NOTCH4: variants seen among roughly 807,000 people sequenced by gnomAD.
NOTCH4 encodes the protein neurogenic locus notch homolog protein 4.
A neutral mutation model predicts 189.0 loss-of-function variants in NOTCH4; 138 were observed. The ratio of observed to expected loss-of-function variants is 0.73; its 90% CI spans 0.64 to 0.84. The LOEUF (loss-of-function observed/expected upper bound fraction) is 0.84. Ranked by LOEUF, NOTCH4 falls within the 40% of genes least tolerant of loss-of-function variation. NOTCH4 has a pLI of 0.00. For missense variants in NOTCH4, 2,286 were observed against 2,605.4 expected (o/e 0.88, Z 2.67); for synonymous variants, 942 against 1,032.8 (o/e 0.91, Z 1.69).
In NOTCH4 at chr6:32,200,681, G is replaced by T; in HGVS notation, c.4315+150C>A. On this transcript the variant is annotated intron_variant, in intron 23 of 29. Coordinates refer to ENST00000375023, the MANE Select transcript of NOTCH4 (RefSeq NM_004557.4). The surrounding 1 kb of genome is among the most constrained non-coding windows in gnomAD (Gnocchi z 5.0). ...AACAAATGGGCCAGTGGGAGATTCA[G>T]TTAGAGAAAGCGGGGTTAGGGAAAG... 1 of 634,584 alleles carries T rather than the reference G, an allele frequency of 1.6e-6. No homozygotes were observed. Among genetic ancestry groups the T allele is most frequent in the Non-Finnish European group, 2.6e-6 (1 of 381,762 alleles). 39.3% of individuals were successfully genotyped at this position (634,584 alleles called of 1,614,324 possible). A position where few individuals can be genotyped will look rare whatever the true frequency, so the allele number is the denominator to read the frequency against.
At position 32,199,265 on chromosome 6, in the gene NOTCH4, G is replaced by T; in HGVS notation, c.4316-120C>A. 1.4e-6 allele frequency: 1 copy of T among 718,464 alleles called. No homozygotes were observed. The highest frequency in any genetic ancestry group is 2.0e-5 in the South Asian group (1 of 49,120). The allele number at this position is 718,464 out of a possible 1,614,324, so 44.5% of individuals were successfully genotyped here. A position where few individuals can be genotyped will look rare whatever the true frequency, so the allele number is the denominator to read the frequency against. On this transcript the variant is annotated intron_variant, in intron 23 of 29. Coordinates refer to ENST00000375023, the MANE Select transcript of NOTCH4 (RefSeq NM_004557.4). This position sits in a 1 kb window ranked among gnomAD's most constrained non-coding sequence, Gnocchi z 4.9. Reference sequence around the variant, plus strand: ...CCTCGGTTTCCTTATCTGCAAAATGGGGATGATAATATAGATTGAGGTTGG... The same window carrying T: ...CCTCGGTTTCCTTATCTGCAAAATGTGGATGATAATATAGATTGAGGTTGG...
intron 18 of NOTCH4, among the ~76,000 whole-genome samples, chr6:32,208,063 A>C (rs185332643): frequency 2.0e-4 from 31 of 152,040 alleles, no homozygotes; most frequent in Admixed American, 7.2e-4. Flanking sequence ...TCTGGGCAAA[A>C]GTTTTTTGGG....
rs914213951 is a variant in NOTCH4 at position 32,213,795 on chromosome 6, C to T, written c.2213G>A (p.Cys738Tyr). The T allele has an allele frequency of 1.2e-6, 2 of 1,612,166 alleles. No homozygotes were observed. The highest frequency in any genetic ancestry group is 1.9e-4 in the Middle Eastern group (1 of 5,354). Reference sequence around the variant, plus strand: ...AGGGTTGCAGGAGCCGCCATTGAGACATGGCCCTGAGTGACAAGCTGTCAT... The same window carrying T: ...AGGGTTGCAGGAGCCGCCATTGAGATATGGCCCTGAGTGACAAGCTGTCAT... ...EEMTACHSGP[C>Y]LNGGSCNPSP... Residue 738 changes from cysteine to tyrosine, a missense_variant, in exon 14 of 30, where the codon TGT becomes TAT. Cys to Tyr is a radical substitution (Grantham distance 194). Transcript: ENST00000375023.
At position 32,212,120 on chromosome 6, in the gene NOTCH4, G is replaced by A. The variant is rs900338993; in HGVS notation, c.2680+354C>T. Among the ~76,000 whole-genome samples, 2 of 152,160 alleles carry A rather than the reference G, an allele frequency of 1.3e-5. No homozygotes were observed. Among genetic ancestry groups the A allele is most frequent in the Non-Finnish European group, 2.9e-5 (2 of 68,032 alleles). On this transcript the variant is annotated intron_variant, in intron 17 of 29. Coordinates refer to ENST00000375023, the MANE Select transcript of NOTCH4 (RefSeq NM_004557.4). The surrounding 1 kb of genome is among the most constrained non-coding windows in gnomAD (Gnocchi z 4.4). ...AAGTGAGTGGGGTGGGGTGAAATGC[G>A]TTGAGTGTAGCTGGATTAAGTGTGG...
At position 32,222,762 on chromosome 6, in the gene NOTCH4, G is replaced by C; in HGVS notation, c.200C>G (p.Pro67Arg). ...FLGETCQFPD[P>R]CQNAQLCQNG... ...TTGGCAGAGCTGGGCGTTCTGGCAGGGGTCAGGAAACTGGCACGTCTCACC... is the reference window on the plus strand; with the variant it reads ...TTGGCAGAGCTGGGCGTTCTGGCAGCGGTCAGGAAACTGGCACGTCTCACC... Residue 67 changes from proline (P) to arginine (R), a missense_variant, in exon 3 of 30, where the codon CCC becomes CGC. Pro to Arg is a moderately radical substitution (Grantham distance 103). Coordinates refer to ENST00000375023, the MANE Select transcript of NOTCH4 (RefSeq NM_004557.4). 6.2e-7 allele frequency: 1 copy of C among 1,611,816 alleles called. No individual in the cohort carries two copies. The highest frequency in any genetic ancestry group is 8.5e-7 in the Non-Finnish European group (1 of 1,179,162).
Position 32,220,797 on chromosome 6 carries a change from C to T in NOTCH4, c.881G>A (p.Gly294Glu). Residue 294 changes from glycine (G) to glutamate (E), a missense_variant, in exon 5 of 30, where the codon GGG (glycine) becomes GAG (glutamate). Coordinates refer to ENST00000375023, the MANE Select transcript of NOTCH4 (RefSeq NM_004557.4). The part of the protein sequence containing the change: ...QCQNGGTCQD[G>E]LDTYTCLCPE... ...GCAGAGGCAGGTGTAGGTGTCCAGC[C>T]CATCCTGGCAAGTGCCCCCATTCTG... The T allele has an allele frequency of 6.2e-7, 1 of 1,614,086 alleles. No homozygotes were observed. The highest frequency in any genetic ancestry group is 8.5e-7 in the Non-Finnish European group (1 of 1,179,984).
In NOTCH4 at chr6:32,221,283, C is replaced by G. The variant is rs948511459; in HGVS notation, c.494G>C (p.Cys165Ser). 6.2e-7 allele frequency: 1 copy of G among 1,613,002 alleles called. No homozygotes were observed. The highest frequency in any genetic ancestry group is 1.7e-5 in the Admixed American group (1 of 60,032). Residue 165 changes from cysteine to serine, a missense_variant, in exon 4 of 30, where the codon TGT becomes TCT. Coordinates refer to ENST00000375023, the MANE Select transcript of NOTCH4 (RefSeq NM_004557.4). The surrounding 1 kb of genome is among the most constrained non-coding windows in gnomAD (Gnocchi z 4.3). ...GGCCAGACACACCCCTCCATTAACA[C>G]ATGGGTTGGCTGAACAGAAGTCCCG... ...QLRDFCSANP[C>S]VNGGVCLATY...
chr6:32,200,323 G>C lies in NOTCH4; in HGVS notation c.4315+508C>G, dbSNP rs555659514. Among the ~76,000 whole-genome samples, 1 of 151,608 alleles carries C rather than the reference G, an allele frequency of 6.6e-6. No homozygotes were observed. The highest frequency in any genetic ancestry group is 2.4e-5 in the African/African-American group (1 of 41,320). On this transcript the variant is annotated intron_variant, in intron 23 of 29. Coordinates refer to ENST00000375023, the MANE Select transcript of NOTCH4 (RefSeq NM_004557.4). The surrounding 1 kb of genome is among the most constrained non-coding windows in gnomAD (Gnocchi z 5.0). ...CCTCCCAGGTTCACGCCATTCTCCT[G>C]CCTCAGCCTCCTGAGTAGCTGAGAC...
chr6:32,213,053 C>A, intron 15 of NOTCH4, 82 bp downstream of exon 15: 1 of 1,299,122 alleles, frequency 7.7e-7, no homozygotes, highest in South Asian at 1.2e-5. Flanking sequence ...GGGAGGCAGC[C>A]TGGAACCCAG....
At position 32,210,854 on chromosome 6, in the gene NOTCH4, T is replaced by TC. The variant is rs773718118; in HGVS notation, c.2762dup (p.Phe922IlefsTer14). On this transcript the variant is annotated frameshift_variant, in exon 18 of 30. Coordinates refer to ENST00000375023, the MANE Select transcript of NOTCH4 (RefSeq NM_004557.4). LOFTEE classifies it high-confidence loss of function. This position sits in a 1 kb window ranked among gnomAD's most constrained non-coding sequence, Gnocchi z 4.8. ...GATCCTGGCACAGGCTGCCTTGGAA[T>TC]CCAGGGGGGCAGTGGCAGAAATAGG... 71 of 1,612,784 alleles carry TC rather than the reference T, an allele frequency of 4.4e-5. No individual in the cohort carries two copies. The highest frequency in any genetic ancestry group is 5.3e-5 in the Non-Finnish European group (62 of 1,179,966).
Position 32,221,073 on chromosome 6 carries a change from G to T in NOTCH4, c.704C>A (p.Ala235Glu). Residue 235 changes from alanine (A) to glutamate (E), a missense_variant, in exon 4 of 30, where the codon GCA becomes GAA. By Grantham distance (107) the Ala-to-Glu change is moderately radical. Around this residue, in one of 2 missense-constraint regions of NOTCH4, gnomAD observed 1,903 missense variants for 2,261.9 expected, o/e 0.84. Coordinates refer to ENST00000375023, the MANE Select transcript of NOTCH4 (RefSeq NM_004557.4). This position sits in a 1 kb window ranked among gnomAD's most constrained non-coding sequence, Gnocchi z 4.3. The stretch of plus-strand genomic sequence containing the variant: ...ACAGCCCCTAGGAGGGCAGGGTCCT[G>T]CCCGCAGCTCACAACGTGGACCCTC... ...GQEGPRCELR[A>E]GPCPPRGCSN... 1 of 1,613,184 alleles carries T rather than the reference G, an allele frequency of 6.2e-7. No individual in the cohort carries two copies. The highest frequency in any genetic ancestry group is 1.6e-4 in the Middle Eastern group (1 of 6,062).
intron 18 of NOTCH4, among the ~76,000 whole-genome samples, chr6:32,205,123 G>A (rs1788590953): frequency 6.6e-6 from 1 of 152,126 alleles, no homozygotes; most frequent in Non-Finnish European, 1.5e-5. Flanking sequence ...AGGAAAGAGA[G>A]TGTGCAAGAG....
Position 32,220,811 on chromosome 6 carries a change from G to A in NOTCH4, c.867C>T (p.Gly289=), listed in dbSNP as rs2127488302. 3 of 1,614,162 alleles carry A rather than the reference G, an allele frequency of 1.9e-6. No individual in the cohort carries two copies. Among genetic ancestry groups the A allele is most frequent in the Non-Finnish European group, 2.5e-6 (3 of 1,179,998 alleles). ...AGGTGTCCAGCCCATCCTGGCAAGT[G>A]CCCCCATTCTGACACTGGTGGCTGA... is the stretch of plus-strand genomic sequence containing the variant. ...NCVSHQCQNG[G]TCQDGLDTYT... The change falls in exon 5 of 30, where the codon GGC becomes GGT. Residue 289 remains glycine (G), a synonymous_variant. Coordinates refer to ENST00000375023, the MANE Select transcript of NOTCH4 (RefSeq NM_004557.4).
In NOTCH4 at chr6:32,201,398, A is replaced by G; in HGVS notation, c.3858T>C (p.Pro1286=). The part of the protein sequence containing the change: ...ECGWDGGDCR[P]EDGDPEWGPS... Reference sequence around the variant, plus strand: ...GCCCCCACTCTGGGTCCCCATCTTCAGGCCTGCAGTCACCTCCATCCCAGC... The same window carrying G: ...GCCCCCACTCTGGGTCCCCATCTTCGGGCCTGCAGTCACCTCCATCCCAGC... Residue 1286 remains proline (P), a synonymous_variant, in exon 22 of 30, where the codon CCT becomes CCC. Transcript: ENST00000375023. This position sits in a 1 kb window ranked among gnomAD's most constrained non-coding sequence, Gnocchi z 5.5. 1 of 1,574,782 alleles carries G rather than the reference A, an allele frequency of 6.4e-7. No homozygotes were observed. Among genetic ancestry groups the G allele is most frequent in the Non-Finnish European group, 8.6e-7 (1 of 1,161,690 alleles).
Position 32,210,946 on chromosome 6 carries a change from G to C in NOTCH4, c.2681-10C>G. On this transcript the variant is annotated splice_polypyrimidine_tract_variant and intron_variant, in intron 17 of 29. Coordinates refer to ENST00000375023, the MANE Select transcript of NOTCH4 (RefSeq NM_004557.4). The surrounding 1 kb of genome is among the most constrained non-coding windows in gnomAD (Gnocchi z 4.8). ...GAAGAGACGTCTATGCCTGGGGAGAGAGACAAACAGGGATATACAAAGATA... is the reference window on the plus strand; with the variant it reads ...GAAGAGACGTCTATGCCTGGGGAGACAGACAAACAGGGATATACAAAGATA... 1 of 1,570,044 alleles carries C rather than the reference G, an allele frequency of 6.4e-7. No homozygotes were observed. Among genetic ancestry groups the C allele is most frequent in the Non-Finnish European group, 8.6e-7 (1 of 1,159,450 alleles).
Position 32,202,250 on chromosome 6 carries a change from G to A in NOTCH4, c.3581C>T (p.Pro1194Leu), listed in dbSNP as rs746443332. ...GTCCCCTCCATCCCAGTTTCCTCCCGGGCCACTGCAGCCAGCATCGCAGGC... is the reference window on the plus strand; with the variant it reads ...GTCCCCTCCATCCCAGTTTCCTCCCAGGCCACTGCAGCCAGCATCGCAGGC... ...DGACDAGCSG[P>L]GGNWDGGDCS... The change falls in exon 21 of 30, where the codon CCG (proline) becomes CTG (leucine). Residue 1194 changes from proline to leucine, a missense_variant. Transcript: ENST00000375023. This position sits in a 1 kb window ranked among gnomAD's most constrained non-coding sequence, Gnocchi z 5.7. 7.6e-5 allele frequency: 120 copies of A among 1,572,134 alleles called. 2 individuals are homozygous for A. Among genetic ancestry groups the A allele is most frequent in the East Asian group, 4.5e-4 (20 of 44,248 alleles).
At chr6:32,208,725 C>T (rs1788844078) in intron 18 of NOTCH4, among the ~76,000 whole-genome samples, 4 of 152,110 alleles carry the variant, frequency 2.6e-5, no homozygotes, top group Non-Finnish European at 5.9e-5. Context: ...CACAGCAAGA[C>T]TCTGTCTCAG....
At chr6:32,204,077 C>T (rs1788523649) in intron 19 of NOTCH4, 60 bp downstream of exon 19, 47 of 1,594,418 alleles carry the variant, frequency 2.9e-5, no homozygotes, top group Middle Eastern at 4.0e-4. Context: ...CTATCTGGCT[C>T]TCCATGGTCT....
At position 32,217,295 on chromosome 6, in the gene NOTCH4, G is replaced by A. The variant is rs1035377048; in HGVS notation, c.1625-29C>T. ...GTGGGGCGGAAGTGGGTGGGGAGAG[G>A]AGGCCAAGGTCATCGAGGGAGGCAC... On this transcript the variant is annotated intron_variant, in intron 9 of 29. Transcript: ENST00000375023. This position sits in a 1 kb window ranked among gnomAD's most constrained non-coding sequence, Gnocchi z 4.2. 28 of 1,478,122 alleles carry A rather than the reference G, an allele frequency of 1.9e-5. No individual in the cohort carries two copies. The highest frequency in any genetic ancestry group is 2.5e-5 in the Non-Finnish European group (26 of 1,058,340). The allele number at this position is 1,478,122 out of a possible 1,614,324, so 91.6% of individuals were successfully genotyped here.
Sources: gnomAD v4.1 joint callset for allele counts (sites outside exome capture counted in the v4.1 genomes callset) on GRCh38, gnomAD v4.1.1 for gene constraint, gnomAD v4.1.1 regional missense constraint, Gnocchi (gnomAD v3.1) non-coding constraint, MANE v1.5 for transcripts, NCBI Gene and HGNC (gene_info 2026-07-23, HGNC 2026-07-21) for gene names.